The following FGF13 variants were observed in gnomAD, a reference collection of about 807,000 sequenced individuals.
FGF13 encodes the protein fibroblast growth factor homologous factor 2.
A neutral mutation model predicts 19.5 loss-of-function variants in FGF13; 2 were observed. The observed-to-expected ratio is 0.10, with a 90% CI of 0.04 to 0.32. The LOEUF is 0.32. FGF13 is among the 10% of genes least tolerant of loss of function. The probability of loss-of-function intolerance (pLI) is 1.00; values close to 1 mark genes in which losing one functional copy is unlikely to be tolerated. For synonymous variants in FGF13, 72 were observed against 76.9 expected, an observed-to-expected ratio of 0.94 and a Z score of 0.33; for missense variants, 113 against 192.7, an observed-to-expected ratio of 0.59 and a Z score of 2.45.
intron 1 of FGF13, among the ~76,000 whole-genome samples, chrX:139,150,900 C>A (rs1414136489): frequency 1.8e-5 from 2 of 111,057 alleles, no homozygotes; most frequent in Non-Finnish European, 3.8e-5. Context: ...CAGCGGCCCA[C>A]AAAGGGTGCT....
At chrX:138,845,544 G>A (rs1418569134) in intron 3 of FGF13, among the ~76,000 whole-genome samples, 1 of 111,683 alleles carries the variant, frequency 9.0e-6, no homozygotes, top group Admixed American at 9.5e-5. Flanking sequence ...ATTAAGTAGG[G>A]ATGCAATGGA....
intron 3 of FGF13, among the ~76,000 whole-genome samples, chrX:138,657,458 T>C (rs1022247652): frequency 4.5e-5 from 5 of 112,289 alleles, no homozygotes; most frequent in African/African-American, 1.6e-4. Context: ...AATATGGGCA[T>C]TTGCCGTTAG....
intron 1 of FGF13, among the ~76,000 whole-genome samples, chrX:138,925,008 C>A (rs2091665612): frequency 1.8e-5 from 2 of 111,186 alleles, no homozygotes; most frequent in African/African-American, 6.5e-5. Flanking sequence ...AGCAGCAGGT[C>A]TCAATGAAAA....
At chrX:138,667,732 G>A (rs757546864) in intron 3 of FGF13, 15 of 371,400 alleles carry the variant, frequency 4.0e-5, no homozygotes, top group South Asian at 3.4e-4. Context: ...GGGAAACCCT[G>A]CCCTGCACTC....
At chrX:138,954,558 C>T (rs1231774835) in intron 1 of FGF13, among the ~76,000 whole-genome samples, 2 of 111,469 alleles carry the variant, frequency 1.8e-5, no homozygotes, top group East Asian at 2.8e-4. Context: ...ATATAGGTAG[C>T]AACTGACACT....
chrX:139,189,997 C>A (rs1481997344), intron 1 of FGF13, among the ~76,000 whole-genome samples: 1 of 112,018 alleles, frequency 8.9e-6, no homozygotes, highest in Non-Finnish European at 1.9e-5. Context: ...TACTTCAGTT[C>A]TTTTAGTCAT....
At chrX:139,113,613 T>A (rs1393416664) in intron 1 of FGF13, among the ~76,000 whole-genome samples, 1 of 112,674 alleles carries the variant, frequency 8.9e-6, no homozygotes, top group African/African-American at 3.2e-5. Context: ...ACTTGGCTTA[T>A]CACTTAAAAT....
intron 1 of FGF13, among the ~76,000 whole-genome samples, chrX:139,043,871 G>A (rs1286224062): frequency 5.4e-5 from 6 of 111,960 alleles, no homozygotes; most frequent in African/African-American, 2.0e-4. Context: ...AGACACACAA[G>A]GCAACGTATT....
chrX:138,783,772 C>G (rs1297691777), intron 3 of FGF13, among the ~76,000 whole-genome samples: 1 of 108,747 alleles, frequency 9.2e-6, no homozygotes, highest in Non-Finnish European at 1.9e-5. Flanking sequence ...CCTCAGGGAT[C>G]TAGAACTGGA....
rs1239999225 is a variant in FGF13, at chrX:138,622,469, A to G, written c.*10381T>C. 8.9e-6 allele frequency: 1 copy of G among 112,236 alleles called. No individual in the cohort carries two copies. The highest frequency in any genetic ancestry group is 3.2e-5 in the African/African-American group (1 of 30,914). The allele number at this position is 112,236 out of a possible 1,213,427, so 9.2% of individuals were successfully genotyped here. On this transcript the variant is annotated 3_prime_UTR_variant, in exon 5 of 5. Transcript: ENST00000315930. ...TATCCCTAAATATAACAAAGGCCAT[A>G]TATATGACAAACTCACATCTAACGT...
chrX:138,915,364 T>C (rs141195610), intron 1 of FGF13, among the ~76,000 whole-genome samples: 1,221 of 111,547 alleles, frequency 0.011, 14 homozygotes, highest in African/African-American at 0.036. Flanking sequence ...GAAGAAGAAA[T>C]TGGACATATT....
chrX:138,875,977 T>C (rs2091386744), intron 1 of FGF13, among the ~76,000 whole-genome samples: 1 of 107,022 alleles, frequency 9.3e-6, no homozygotes, highest in African/African-American at 3.5e-5. Context: ...GATTTATTAT[T>C]ATCTCCCTAT....
chrX:138,875,731 G>T (rs1436500415), intron 1 of FGF13, among the ~76,000 whole-genome samples: 1 of 111,302 alleles, frequency 9.0e-6, no homozygotes, highest in Admixed American at 9.6e-5. Context: ...TTCATGCCTG[G>T]TGACCTTTGA....
intron 1 of FGF13, among the ~76,000 whole-genome samples, chrX:138,724,928 G>T (rs1293850690): frequency 9.0e-6 from 1 of 111,414 alleles, no homozygotes; most frequent in Non-Finnish European, 1.9e-5. Context: ...TTAACTTTAG[G>T]GAAACCTAGA....
At chrX:138,917,321 C>A (rs946894421) in intron 1 of FGF13, among the ~76,000 whole-genome samples, 16 of 111,489 alleles carry the variant, frequency 1.4e-4, no homozygotes, top group Non-Finnish European at 2.8e-4. Flanking sequence ...AATTACTGTT[C>A]TCACAAGAAG....
At chrX:139,150,395 T>G (rs1018493580) in intron 1 of FGF13, among the ~76,000 whole-genome samples, 64 of 112,269 alleles carry the variant, frequency 5.7e-4, no homozygotes, top group African/African-American at 1.9e-3. Context: ...ACTAAAACTT[T>G]TCAAATTAAA....
At chrX:139,148,612 A>G (rs73633984) in intron 1 of FGF13, among the ~76,000 whole-genome samples, 94 of 109,805 alleles carry the variant, frequency 8.6e-4, no homozygotes, top group African/African-American at 2.9e-3. Context: ...TTTAAAAAAA[A>G]AAAAAAAAAA....
intron 1 of FGF13, among the ~76,000 whole-genome samples, chrX:139,004,292 A>G (rs2092090374): frequency 8.9e-6 from 1 of 112,781 alleles, no homozygotes. Flanking sequence ...CATTGCCCGG[A>G]GCCAGCAGGG....
At chrX:138,726,440 C>T (rs2090186289) in intron 1 of FGF13, among the ~76,000 whole-genome samples, 1 of 112,107 alleles carries the variant, frequency 8.9e-6, no homozygotes, top group African/African-American at 3.2e-5. Context: ...TAGTGTCTAC[C>T]TCCTAGGGTA....
Sources: allele counts gnomAD v4.1 joint callset (sites outside exome capture counted in the v4.1 genomes callset), GRCh38; gene constraint gnomAD v4.1.1; transcripts MANE v1.5; gene names NCBI Gene and HGNC (gene_info 2026-07-23, HGNC 2026-07-21).